Variants in TRIM2 observed in about 807,000 individuals in gnomAD.
The protein encoded by TRIM2 is tripartite motif-containing protein 2.
Under a neutral mutation model 75.2 loss-of-function variants are expected in TRIM2, and 20 were observed. That is an observed-to-expected ratio of 0.27 (90% CI 0.19 to 0.39). The LOEUF (loss-of-function observed/expected upper bound fraction) is 0.39, where lower values mean the gene tolerates loss of function less well. Ranked by LOEUF, TRIM2 falls within the 10% of genes least tolerant of loss-of-function variation. TRIM2 has a pLI of 1.00. For synonymous variants in TRIM2, 373 were observed against 388.3 expected, an observed-to-expected ratio of 0.96 and a Z score of 0.46; for missense variants, 660 against 990.8, an observed-to-expected ratio of 0.67 and a Z score of 4.48.
At chr4:153,187,652 A>C (rs1732739187) in intron 1 of TRIM2, among the ~76,000 whole-genome samples, 1 of 152,214 alleles carries the variant, frequency 6.6e-6, no homozygotes, top group South Asian at 2.1e-4. Context: ...GGGTCCAGTG[A>C]GGAGCCTGTC....
intron 3 of TRIM2, among the ~76,000 whole-genome samples, chr4:153,288,811 C>A (rs1299791766): frequency 6.6e-6 from 1 of 150,712 alleles, no homozygotes; most frequent in African/African-American, 2.4e-5. Flanking sequence ...ACTGTATAAT[C>A]TCAATAGGCC....
At chr4:153,274,420 C>T (rs1230110503) in intron 2 of TRIM2, among the ~76,000 whole-genome samples, 11 of 152,108 alleles carry the variant, frequency 7.2e-5, no homozygotes, top group Non-Finnish European at 1.6e-4. Flanking sequence ...AGGTGCTATT[C>T]ATCAGGAATG....
At chr4:153,284,258 T>C (rs1174118947) in intron 3 of TRIM2, among the ~76,000 whole-genome samples, 1 of 151,350 alleles carries the variant, frequency 6.6e-6, no homozygotes, top group Non-Finnish European at 1.5e-5. Context: ...TGGAGTGCAG[T>C]GACGTGATCT....
At chr4:153,213,773 G>A (rs138224493) in intron 1 of TRIM2, among the ~76,000 whole-genome samples, 206 of 152,222 alleles carry the variant, frequency 1.4e-3, no homozygotes, top group East Asian at 0.011. Context: ...TGATCCACCC[G>A]CCTCGGCCTC....
chr4:153,185,319 G>C (rs1180238635), intron 1 of TRIM2, among the ~76,000 whole-genome samples: 1 of 152,182 alleles, frequency 6.6e-6, no homozygotes, highest in Non-Finnish European at 1.5e-5. Flanking sequence ...CTCCCCGTCA[G>C]AGAGCTATTC....
chr4:153,288,983 G>A (rs1475172172), intron 3 of TRIM2, among the ~76,000 whole-genome samples: 1 of 152,012 alleles, frequency 6.6e-6, no homozygotes, highest in Non-Finnish European at 1.5e-5. Context: ...GTGAGACATT[G>A]TTCTCATAGT....
chr4:153,315,949 G>A lies in TRIM2; in HGVS notation c.1732G>A (p.Asp578Asn), dbSNP rs1171847096. The part of the protein sequence containing the change: ...VHPSGDIIIA[D>N]YDNKWVSIFS... ...TCCCAGTGGGGACATAATCATTGCCGATTATGATAATAAATGGGTCAGCAT... is the reference window on the plus strand; with the variant it reads ...TCCCAGTGGGGACATAATCATTGCCAATTATGATAATAAATGGGTCAGCAT... The change falls in exon 8 of 12, where the codon GAT becomes AAT. Residue 578 changes from aspartate to asparagine, a missense_variant. Physicochemically the swap from Asp to Asn is conservative, Grantham distance 23. Transcript: ENST00000338700. The A allele has an allele frequency of 4.4e-6, 7 of 1,601,778 alleles. No individual in the cohort carries two copies. Among genetic ancestry groups the A allele is most frequent in the Non-Finnish European group, 6.0e-6 (7 of 1,175,892 alleles).
At chr4:153,188,477 A>C (rs948575016) in intron 1 of TRIM2, among the ~76,000 whole-genome samples, 3 of 151,408 alleles carry the variant, frequency 2.0e-5, no homozygotes, top group African/African-American at 7.3e-5. Flanking sequence ...CAAAAACCCC[A>C]TAAAAAAACA....
At chr4:153,298,899 A>T (rs1439465632) in intron 6 of TRIM2, among the ~76,000 whole-genome samples, 1 of 151,698 alleles carries the variant, frequency 6.6e-6, no homozygotes, top group Non-Finnish European at 1.5e-5. Flanking sequence ...AAGCCCAGCT[A>T]ATTTTTGTTT....
intron 10 of TRIM2, among the ~76,000 whole-genome samples, chr4:153,326,744 G>A (rs1770260026): frequency 2.0e-5 from 3 of 152,330 alleles, no homozygotes; most frequent in African/African-American, 4.8e-5. Context: ...ACTCTGGGAC[G>A]CCAAGGCGGA....
At chr4:153,213,334 T>C (rs950313204) in intron 1 of TRIM2, among the ~76,000 whole-genome samples, 9 of 152,232 alleles carry the variant, frequency 5.9e-5, no homozygotes, top group Admixed American at 2.0e-4. Flanking sequence ...GTCTTCATGC[T>C]TCTATTTCTG....
chr4:153,173,658 C>T (rs896445064), intron 1 of TRIM2, among the ~76,000 whole-genome samples: 5 of 149,742 alleles, frequency 3.3e-5, no homozygotes, highest in Non-Finnish European at 7.4e-5. Context: ...AGCAAAACTC[C>T]GTCTCAAAAT....
chr4:153,221,781 A>AAG (rs1740127304), intron 1 of TRIM2, among the ~76,000 whole-genome samples: 4 of 111,464 alleles, frequency 3.6e-5, no homozygotes, highest in African/African-American at 1.0e-4. Context: ...GAAGGAAAGA[A>AAG]GAAAAGGAAG....
intron 1 of TRIM2, among the ~76,000 whole-genome samples, chr4:153,234,119 G>T (rs953582949): frequency 2.6e-5 from 4 of 152,214 alleles, no homozygotes; most frequent in African/African-American, 9.6e-5. Context: ...CTCCTGACAG[G>T]TGTAAATGAG....
At position 153,273,442 on chromosome 4, in the gene TRIM2, ATTTTTTT is replaced by A. The variant is rs11459214; in HGVS notation, c.216-2433_216-2427del. Among the ~76,000 whole-genome samples the A allele has an allele frequency of 4.9e-4, 38 of 77,650 alleles. 1 individual carries two copies. Among genetic ancestry groups the A allele is most frequent in the African/African-American group, 1.6e-3 (21 of 12,974 alleles). The allele number at this position is 77,650 out of a possible 152,430, so 50.9% of individuals were successfully genotyped here. A position where few individuals can be genotyped will look rare whatever the true frequency, so the allele number is the denominator to read the frequency against. On this transcript the variant is annotated intron_variant, in intron 2 of 11. Transcript: ENST00000338700. ...AGGCGCCCGCCACCACGCCCGGCTA[ATTTTTTT>A]TTTTTTTTTTTTTTTTTGTATTTTT...
intron 1 of TRIM2, among the ~76,000 whole-genome samples, chr4:153,236,850 C>G (rs898982619): frequency 1.3e-5 from 2 of 151,984 alleles, no homozygotes; most frequent in African/African-American, 4.8e-5. Flanking sequence ...TACCACCATA[C>G]CTGGCTAATT....
chr4:153,240,167 C>A (rs183117804), intron 1 of TRIM2, among the ~76,000 whole-genome samples: 2 of 152,210 alleles, frequency 1.3e-5, no homozygotes, highest in South Asian at 2.1e-4. Context: ...TAAGTAGGAT[C>A]CCTAATAAAG....
intron 1 of TRIM2, among the ~76,000 whole-genome samples, chr4:153,175,331 A>G (rs1022897878): frequency 6.6e-6 from 1 of 151,984 alleles, no homozygotes; most frequent in African/African-American, 2.4e-5. Context: ...CAACTGGTGC[A>G]GTTTTTTTCC....
intron 2 of TRIM2, 54 bp from the exon 3 acceptor site, chr4:153,275,839 G>C (rs1757901860): frequency 6.6e-7 from 1 of 1,504,962 alleles, no homozygotes; most frequent in Non-Finnish European, 9.2e-7. Flanking sequence ...TGGTACCTGT[G>C]AGAAGTGGAG....
Sources: allele counts gnomAD v4.1 joint callset (sites outside exome capture counted in the v4.1 genomes callset), GRCh38; gene constraint gnomAD v4.1.1; transcripts MANE v1.5; gene names NCBI Gene and HGNC (gene_info 2026-07-23, HGNC 2026-07-21).